The following B4GALNT3 variants were observed in gnomAD, a reference collection of about 807,000 sequenced individuals.
B4GALNT3 encodes the protein beta-1,4-N-acetylgalactosaminyltransferase 3.
In B4GALNT3, 86 loss-of-function variants were observed where a neutral mutation model predicts 120.2. The observed-to-expected ratio is 0.72, with a 90% CI of 0.60 to 0.86. The LOEUF is 0.86. B4GALNT3 is among the 40% of genes least tolerant of loss of function. The pLI is 0.00. For synonymous variants in B4GALNT3, 518 were observed against 510.4 expected, an observed-to-expected ratio of 1.01 and a Z score of -0.20; for missense variants, 1,167 against 1,298.9, an observed-to-expected ratio of 0.90 and a Z score of 1.56.
chr12:460,425 A>G lies in B4GALNT3; in HGVS notation c.49A>G (p.Lys17Glu). The G allele has an allele frequency of 6.5e-7, 1 of 1,549,116 alleles. No homozygotes were observed. Among genetic ancestry groups the G allele is most frequent in the South Asian group, 1.2e-5 (1 of 84,324 alleles). ...GCCCCCGCTGCTCCTGCGCCCGGTG[A>G]AGCTGCTGCGGAGGCGCTTCCGGCT... is the stretch of plus-strand genomic sequence containing the variant. ...ARPPLLLRPV[K>E]LLRRRFRLLL... Residue 17 changes from lysine to glutamate, a missense_variant, in exon 1 of 20, where the codon AAG becomes GAG. Lys to Glu is a moderately conservative substitution (Grantham distance 56, BLOSUM62 1). Coordinates refer to ENST00000266383, the MANE Select transcript of B4GALNT3 (RefSeq NM_173593.4). This position sits in a 1 kb window ranked among gnomAD's most constrained non-coding sequence, Gnocchi z 8.0.
At chr12:549,702 T>G in intron 9 of B4GALNT3, 67 bp from the exon 10 acceptor site, 1 of 1,595,638 alleles carries the variant, frequency 6.3e-7, no homozygotes. Flanking sequence ...TCCCTCCCCT[T>G]CAAGGGCAGT....
chr12:512,488 G>A (rs144054555), intron 1 of B4GALNT3, among the ~76,000 whole-genome samples: 3,335 of 84,476 alleles, frequency 0.039, 63 homozygotes, highest in Admixed American at 0.057. Flanking sequence ...TCCACCTTCC[G>A]CCTTCCACCT....
intron 18 of B4GALNT3, 112 bp from the exon 19 acceptor site, chr12:559,183 A>G (rs1947194498): frequency 7.0e-7 from 1 of 1,432,658 alleles, no homozygotes; most frequent in African/African-American, 1.4e-5. Flanking sequence ...AGCCTCCCTC[A>G]ACCCCAGCCT....
chr12:556,919 C>A, intron 15 of B4GALNT3, 53 bp downstream of exon 15: 1 of 1,532,166 alleles, frequency 6.5e-7, no homozygotes, highest in Non-Finnish European at 8.8e-7. Flanking sequence ...CTCACACTGT[C>A]AGGAGCACCC....
chr12:460,385 C>A lies in B4GALNT3; in HGVS notation c.9C>A (p.Ser3Arg). 2.1e-6 allele frequency: 3 copies of A among 1,452,272 alleles called. No individual in the cohort carries two copies. The highest frequency in any genetic ancestry group is 2.3e-5 in the Admixed American group (1 of 44,254). 90.0% of individuals were successfully genotyped at this position (1,452,272 alleles called of 1,614,324 possible). The change falls in exon 1 of 20, where the codon AGC (serine) becomes AGA (arginine). Residue 3 changes from serine (S) to arginine (R), a missense_variant. Coordinates refer to ENST00000266383, the MANE Select transcript of B4GALNT3 (RefSeq NM_173593.4). The surrounding 1 kb of genome is among the most constrained non-coding windows in gnomAD (Gnocchi z 8.0). The stretch of plus-strand genomic sequence containing the variant: ...CGCCTCGGCGCAGCGCCATGGGGAG[C>A]CCCCGGGCCGCGCGGCCCCCGCTGC... Reference protein sequence around the residue: MGSPRAARPPLLL... With the variant: MGRPRAARPPLLL...
intron 1 of B4GALNT3, among the ~76,000 whole-genome samples, chr12:528,631 C>A (rs1592043146): frequency 6.6e-6 from 1 of 152,108 alleles, no homozygotes; most frequent in African/African-American, 2.4e-5. Context: ...AGGTGGCAGG[C>A]CCCTGGCTTC....
chr12:533,834 G>T (rs1946831679), intron 1 of B4GALNT3, among the ~76,000 whole-genome samples: 1 of 152,200 alleles, frequency 6.6e-6, no homozygotes, highest in South Asian at 2.1e-4. Flanking sequence ...ATTTCAGCGT[G>T]CAGCCCCTGA....
intron 12 of B4GALNT3, 43 bp downstream of exon 12, chr12:552,206 G>A: frequency 6.6e-7 from 1 of 1,524,194 alleles, no homozygotes; most frequent in South Asian, 1.1e-5. Flanking sequence ...CTTGCAGAGG[G>A]CTCTGCGGGA....
intron 7 of B4GALNT3, among the ~76,000 whole-genome samples, chr12:547,792 G>A (rs796239157): frequency 3.3e-5 from 5 of 152,182 alleles, no homozygotes; most frequent in South Asian, 4.1e-4. Flanking sequence ...GGGTTCTTCC[G>A]ATCATCCTGT....
rs761351041 is a variant in B4GALNT3 at position 558,522 on chromosome 12, C to T, written c.2622C>T (p.Ile874=). 2 of 1,614,132 alleles carry T rather than the reference C, an allele frequency of 1.2e-6. No homozygotes were observed. The highest frequency in any genetic ancestry group is 2.2e-5 in the South Asian group (2 of 91,082). Residue 874 remains isoleucine, a synonymous_variant, in exon 18 of 20, where the codon ATC becomes ATT. Coordinates refer to ENST00000266383, the MANE Select transcript of B4GALNT3 (RefSeq NM_173593.4). ...TCTGTCCCCAGGACCCGCACAGCATCATCTTCCTCTGTGACCTCCACATCC... is the reference window on the plus strand; with the variant it reads ...TCTGTCCCCAGGACCCGCACAGCATTATCTTCCTCTGTGACCTCCACATCC... The part of the protein sequence containing the change: ...GIDLVKDPHS[I]IFLCDLHIHF...
intron 1 of B4GALNT3, among the ~76,000 whole-genome samples, chr12:514,567 TG>T (rs1473842063): frequency 6.6e-6 from 1 of 152,160 alleles, no homozygotes; most frequent in Non-Finnish European, 1.5e-5. Flanking sequence ...GGAAGGTTGT[TG>T]CACTGTCAAC....
intron 1 of B4GALNT3, among the ~76,000 whole-genome samples, chr12:490,403 G>GACATCACT (rs1168113482): frequency 6.6e-6 from 1 of 152,130 alleles, no homozygotes; most frequent in African/African-American, 2.4e-5. Context: ...TGAAAGAGGA[G>GACATCACT]ACATCACTAC....
At chr12:482,287 C>T (rs530021556) in intron 1 of B4GALNT3, among the ~76,000 whole-genome samples, 15 of 152,280 alleles carry the variant, frequency 9.9e-5, no homozygotes, top group Admixed American at 3.9e-4. Context: ...TGATATCGTC[C>T]GTCAGTGGCT....
rs534039041 is a variant in B4GALNT3 at position 542,597 on chromosome 12, T to C, written c.352-1742T>C. ...GATCCGAGGCCCACTGTCAGGATGA[T>C]TGGCACAAAGTCCCCACACTTCCCC... On this transcript the variant is annotated intron_variant, in intron 3 of 19. Coordinates refer to ENST00000266383, the MANE Select transcript of B4GALNT3 (RefSeq NM_173593.4). Among the ~76,000 whole-genome samples the C allele has an allele frequency of 2.3e-4, 35 of 152,006 alleles. 1 individual carries two copies. The East Asian group carries it at 6.4e-3, about 28-fold the overall frequency.
At chr12:502,837 CT>C (rs1946458107) in intron 1 of B4GALNT3, among the ~76,000 whole-genome samples, 1 of 152,192 alleles carries the variant, frequency 6.6e-6, no homozygotes, top group African/African-American at 2.4e-5. Context: ...TCACTGCAGC[CT>C]TAATTCCTGG....
intron 1 of B4GALNT3, among the ~76,000 whole-genome samples, chr12:477,014 C>T (rs959517415): frequency 5.3e-5 from 8 of 152,178 alleles, no homozygotes; most frequent in African/African-American, 1.9e-4. Context: ...ACTTGAGCTG[C>T]CCCTTAAAAA....
At chr12:531,239 G>T (rs182832816) in intron 1 of B4GALNT3, among the ~76,000 whole-genome samples, 183 of 152,114 alleles carry the variant, frequency 1.2e-3, no homozygotes, top group Non-Finnish European at 2.1e-3. Context: ...TATTTATGGG[G>T]GATGCGGGAG....
chr12:462,607 C>T (rs141094310), intron 1 of B4GALNT3, among the ~76,000 whole-genome samples: 30 of 152,086 alleles, frequency 2.0e-4, no homozygotes, highest in East Asian at 1.2e-3. Context: ...GAATTGACTT[C>T]GTTTCCTTAC....
chr12:551,313 A>G (rs1440451420), intron 11 of B4GALNT3, among the ~76,000 whole-genome samples: 1 of 152,332 alleles, frequency 6.6e-6, no homozygotes, highest in African/African-American at 2.4e-5. Context: ...GGCCTGGCTG[A>G]GGCTTCTTAA....
Sources: allele counts gnomAD v4.1 joint callset (sites outside exome capture counted in the v4.1 genomes callset), GRCh38; gene constraint gnomAD v4.1.1; non-coding constraint Gnocchi (gnomAD v3.1); transcripts MANE v1.5; gene names NCBI Gene and HGNC (gene_info 2026-07-23, HGNC 2026-07-21).